The following ACO2 variants were observed in gnomAD, a reference collection of about 807,000 sequenced individuals.
ACO2 encodes the protein aconitate hydratase, mitochondrial.
A neutral mutation model predicts 84.5 loss-of-function variants in ACO2; 31 were observed. That is an observed-to-expected ratio of 0.37 (90% CI 0.28 to 0.50). ACO2 has a LOEUF of 0.50. Ranked by LOEUF, ACO2 falls within the 20% of genes least tolerant of loss-of-function variation. The probability of loss-of-function intolerance (pLI) is 0.97; values close to 1 mark genes in which losing one functional copy is unlikely to be tolerated. For missense variants in ACO2, 685 were observed against 1,029.3 expected (o/e 0.67, Z 4.58); for synonymous variants, 414 against 412.7 (o/e 1.00, Z -0.04).
chr22:41,528,480 C>T lies in ACO2; in HGVS notation c.2210C>T (p.Pro737Leu), dbSNP rs1601940049. Reference sequence around the variant, plus strand: ...CCCACACCCACCTTCTCCTTGCAGCCCCTGAAGTGCATCATCAAGCACCCC... The same window carrying T: ...CCCACACCCACCTTCTCCTTGCAGCTCCTGAAGTGCATCATCAAGCACCCC... Reference protein sequence around the residue: ...QGLKDFTPGKPLKCIIKHPNG... With the variant: ...QGLKDFTPGKLLKCIIKHPNG... Residue 737 changes from proline to leucine, a missense_variant and splice_region_variant, in exon 18 of 18, where the codon CCC becomes CTC. Transcript: ENST00000216254. 6.2e-7 allele frequency: 1 copy of T among 1,612,116 alleles called. No homozygotes were observed. Among genetic ancestry groups the T allele is most frequent in the Non-Finnish European group, 8.5e-7 (1 of 1,179,938 alleles).
intron 1 of ACO2, among the ~76,000 whole-genome samples, chr22:41,474,253 A>G (rs576412584): frequency 6.8e-6 from 1 of 146,506 alleles, no homozygotes; most frequent in South Asian, 2.1e-4. Flanking sequence ...GGGATGGGTG[A>G]GCTTGATTGA....
intron 15 of ACO2, chr22:41,526,714 G>A: frequency 2.3e-6 from 1 of 435,114 alleles, no homozygotes; most frequent in Non-Finnish European, 4.1e-6. Context: ...CCTAGACAAA[G>A]ACAAGGAAGG....
At position 41,527,540 on chromosome 22, in the gene ACO2, C is replaced by T. The variant is rs557670430; in HGVS notation, c.2086+120C>T. 1,017 of 1,373,874 alleles carry T rather than the reference C, an allele frequency of 7.4e-4. 9 individuals are homozygous for T. The African/African-American group carries it at 0.013, about 18-fold the overall frequency. The allele number at this position is 1,373,874 out of a possible 1,614,324, so 85.1% of individuals were successfully genotyped here. On this transcript the variant is annotated intron_variant, in intron 16 of 17. Coordinates refer to ENST00000216254, the MANE Select transcript of ACO2 (RefSeq NM_001098.3). ...CTGTGTCCACTGCAGCCCACAGGCC[C>T]GTCAGCCTCTTGCCCCTTCTTAGGC...
chr22:41,507,420 T>C (rs977201176), intron 2 of ACO2, among the ~76,000 whole-genome samples: 1 of 152,062 alleles, frequency 6.6e-6, no homozygotes, highest in Non-Finnish European at 1.5e-5. Context: ...ATGGCTTTCT[T>C]GGTTGTTGTT....
intron 9 of ACO2, chr22:41,521,713 A>G (rs985933928): frequency 1.3e-5 from 2 of 152,072 alleles, no homozygotes; most frequent in African/African-American, 2.4e-5. Context: ...TAGAAAGTAA[A>G]TTACTAAATT....
chr22:41,473,714 T>TG (rs1287945404), intron 1 of ACO2, among the ~76,000 whole-genome samples: 2 of 152,034 alleles, frequency 1.3e-5, no homozygotes, highest in African/African-American at 4.8e-5. Context: ...CTGGGGTGTT[T>TG]GGGGAAGACC....
Position 41,523,938 on chromosome 22 carries a change from A to G in ACO2, c.1479A>G (p.Pro493=). 2 of 1,612,978 alleles carry G rather than the reference A, an allele frequency of 1.2e-6. No individual in the cohort carries two copies. The highest frequency in any genetic ancestry group is 2.2e-5 in the East Asian group (1 of 44,858). Reference sequence around the variant, plus strand: ...AGACCCATGCCTTTGTCACGTCCCCAGAGGTGAGACTGCCCAGCTGCGCAC... The same window carrying G: ...AGACCCATGCCTTTGTCACGTCCCCGGAGGTGAGACTGCCCAGCTGCGCAC... ...NPETHAFVTS[P]EIVTALAIAG... is the part of the protein sequence containing the mutation. Residue 493 remains proline (P), a synonymous_variant, in exon 12 of 18, where the codon CCA becomes CCG. Coordinates refer to ENST00000216254, the MANE Select transcript of ACO2 (RefSeq NM_001098.3).
chr22:41,493,667 T>C (rs976929748), intron 1 of ACO2, among the ~76,000 whole-genome samples: 38 of 152,268 alleles, frequency 2.5e-4, no homozygotes, highest in Admixed American at 2.1e-3. Context: ...CTTGGCTGGG[T>C]GCGGTGGCTC....
chr22:41,484,590 T>C (rs1483881549), intron 1 of ACO2, among the ~76,000 whole-genome samples: 1 of 152,184 alleles, frequency 6.6e-6, no homozygotes, highest in East Asian at 1.9e-4. Flanking sequence ...TTGCCCAGGC[T>C]GGTCTTGAAC....
At chr22:41,509,939 G>A (rs2066422539) in intron 3 of ACO2, among the ~76,000 whole-genome samples, 2 of 149,850 alleles carry the variant, frequency 1.3e-5, no homozygotes, top group Admixed American at 6.7e-5. Context: ...GGGTTCAAGC[G>A]ATTCTCATGC....
chr22:41,525,682 G>T (rs1477094527), intron 14 of ACO2: 8 of 319,714 alleles, frequency 2.5e-5, no homozygotes, highest in South Asian at 2.2e-4. Flanking sequence ...TTGCACAGCA[G>T]GCTCCACACC....
intron 1 of ACO2, among the ~76,000 whole-genome samples, chr22:41,472,752 A>T (rs1005772636): frequency 1.3e-5 from 2 of 152,106 alleles, no homozygotes; most frequent in Middle Eastern, 3.2e-3. Context: ...CCAGCTAAGG[A>T]GGTGAGATTT....
intron 2 of ACO2, among the ~76,000 whole-genome samples, chr22:41,502,186 A>C (rs2066358286): frequency 6.6e-6 from 1 of 152,148 alleles, no homozygotes. Context: ...AAGCTTTAAA[A>C]ATGACGGACA....
At chr22:41,522,766 C>A in intron 9 of ACO2, 64 bp from the exon 10 acceptor site, 1 of 1,560,892 alleles carries the variant, frequency 6.4e-7, no homozygotes, top group Non-Finnish European at 8.7e-7. Flanking sequence ...AATTTGAAGT[C>A]AGGTGGAGAC....
Position 41,523,290 on chromosome 22 carries a change from A to T in ACO2, c.1370+12A>T. On this transcript the variant is annotated intron_variant, in intron 11 of 17. Transcript: ENST00000216254. ...GGCCAGTGGGACAGGTAAGAGGCGT[A>T]TCTTTTGACAAGACAGCCCCTTGTG... The T allele has an allele frequency of 6.3e-7, 1 of 1,596,276 alleles. No homozygotes were observed. Among genetic ancestry groups the T allele is most frequent in the South Asian group, 1.1e-5 (1 of 89,598 alleles).
intron 9 of ACO2, among the ~76,000 whole-genome samples, chr22:41,521,884 G>A (rs2066529600): frequency 6.6e-6 from 1 of 151,486 alleles, no homozygotes; most frequent in African/African-American, 2.4e-5. Context: ...AAGCAGTTCT[G>A]CCTCAGCCTC....
At chr22:41,470,847 C>CA (rs943440580) in intron 1 of ACO2, among the ~76,000 whole-genome samples, 6 of 152,170 alleles carry the variant, frequency 3.9e-5, no homozygotes, top group African/African-American at 9.6e-5. Context: ...CTGGCCTCTT[C>CA]ACGTCTTTTG....
At chr22:41,528,407 C>T in intron 17 of ACO2, 72 bp from the exon 18 acceptor site, 3 of 1,573,180 alleles carry the variant, frequency 1.9e-6, no homozygotes, top group Non-Finnish European at 1.7e-6. Flanking sequence ...TGCCCTGTCT[C>T]CCTGACCCCC....
intron 3 of ACO2, among the ~76,000 whole-genome samples, chr22:41,509,273 A>T (rs1351636215): frequency 6.6e-6 from 1 of 152,158 alleles, no homozygotes; most frequent in Non-Finnish European, 1.5e-5. Flanking sequence ...ATGCACACTC[A>T]TAGCATTCAG....
Sources: gnomAD v4.1 joint callset for allele counts (sites outside exome capture counted in the v4.1 genomes callset) on GRCh38, gnomAD v4.1.1 for gene constraint, MANE v1.5 for transcripts, NCBI Gene and HGNC (gene_info 2026-07-23, HGNC 2026-07-21) for gene names.